Variants in LUZP2 observed in about 807,000 individuals in gnomAD.
LUZP2 encodes the protein leucine zipper protein 2.
Under a neutral mutation model 51.6 loss-of-function variants are expected in LUZP2, and 52 were observed. That is an observed-to-expected ratio of 1.01 (90% CI 0.81 to 1.27). LUZP2 has a LOEUF of 1.27. Ranked by LOEUF, LUZP2 falls within the 50% of genes most tolerant of loss-of-function variation. The probability of loss-of-function intolerance (pLI) is 0.00; values close to 1 mark genes in which losing one functional copy is unlikely to be tolerated. For missense variants in LUZP2, 436 were observed against 395.4 expected, an observed-to-expected ratio of 1.10 and a Z score of -0.87; for synonymous variants, 154 against 137.3, an observed-to-expected ratio of 1.12 and a Z score of -0.85.
rs561915433 is a variant in LUZP2 at position 25,044,785 on chromosome 11, A to G, written c.766-5253A>G. On this transcript the variant is annotated intron_variant, in intron 9 of 11. Coordinates refer to ENST00000336930, the MANE Select transcript of LUZP2 (RefSeq NM_001009909.4). ...GTATGTTTATTGCGGCACTATTCACAATAGCAAAGACTTGGAACCAACCTA... is the reference window on the plus strand; with the variant it reads ...GTATGTTTATTGCGGCACTATTCACGATAGCAAAGACTTGGAACCAACCTA... Among the ~76,000 whole-genome samples the G allele has an allele frequency of 9.9e-4, 150 of 152,078 alleles. 1 individual carries two copies. Among genetic ancestry groups the G allele is most frequent in the Admixed American group, 9.0e-3 (138 of 15,252 alleles).
intron 1 of LUZP2, among the ~76,000 whole-genome samples, chr11:24,571,312 A>G (rs1200618730): frequency 3.1e-5 from 3 of 97,224 alleles, no homozygotes; most frequent in Non-Finnish European, 6.6e-5. Flanking sequence ...GCAAATTAGA[A>G]TGTGTCCTTG....
intron 7 of LUZP2, among the ~76,000 whole-genome samples, chr11:24,949,630 C>T (rs1248368369): frequency 6.6e-6 from 1 of 151,506 alleles, no homozygotes; most frequent in East Asian, 1.9e-4. Flanking sequence ...CTGTGTGCTT[C>T]CTCAGAGGCA....
At chr11:24,526,265 CAAA>C (rs71041769) in intron 1 of LUZP2, among the ~76,000 whole-genome samples, 11 of 141,210 alleles carry the variant, frequency 7.8e-5, no homozygotes, top group Admixed American at 1.4e-4. Flanking sequence ...CACTAGGGGG[CAAA>C]AAAAAAAAAA....
intron 5 of LUZP2, among the ~76,000 whole-genome samples, chr11:24,904,045 T>G (rs1243541452): frequency 2.0e-5 from 3 of 152,144 alleles, no homozygotes; most frequent in Non-Finnish European, 4.4e-5. Context: ...TTTGAGACAC[T>G]TCCATACTGT....
intron 8 of LUZP2, among the ~76,000 whole-genome samples, chr11:24,981,224 G>A (rs958739283): frequency 4.0e-5 from 6 of 151,850 alleles, no homozygotes; most frequent in Non-Finnish European, 7.4e-5. Flanking sequence ...TGTTAAGTTA[G>A]AGGAACTTAA....
At chr11:24,625,723 A>T (rs750372907) in intron 1 of LUZP2, among the ~76,000 whole-genome samples, 2 of 152,048 alleles carry the variant, frequency 1.3e-5, no homozygotes, top group Non-Finnish European at 2.9e-5. Context: ...AAAAAATCAA[A>T]GTTTTCCAAC....
chr11:25,046,813 A>G (rs897356764), intron 9 of LUZP2, among the ~76,000 whole-genome samples: 1 of 152,208 alleles, frequency 6.6e-6, no homozygotes, highest in East Asian at 1.9e-4. Context: ...TGTAAAGTAT[A>G]GATACAAACC....
intron 1 of LUZP2, among the ~76,000 whole-genome samples, chr11:24,684,857 A>G (rs1432366653): frequency 3.3e-5 from 5 of 152,220 alleles, no homozygotes; most frequent in African/African-American, 1.2e-4. Context: ...CAGATCCTGT[A>G]TCAGGGCTAA....
chr11:24,546,095 G>A (rs1851531642), intron 1 of LUZP2, among the ~76,000 whole-genome samples: 1 of 151,946 alleles, frequency 6.6e-6, no homozygotes, highest in Non-Finnish European at 1.5e-5. Context: ...CCTGTTGTTG[G>A]TGTATAGGAA....
chr11:25,004,860 C>G (rs142141940), intron 9 of LUZP2, among the ~76,000 whole-genome samples: 43 of 152,294 alleles, frequency 2.8e-4, no homozygotes, highest in African/African-American at 9.9e-4. Context: ...AGCTGTCATT[C>G]TGTCATTTAC....
chr11:24,976,212 A>C (rs1186138008), intron 7 of LUZP2, among the ~76,000 whole-genome samples: 1 of 151,990 alleles, frequency 6.6e-6, no homozygotes, highest in East Asian at 1.9e-4. Flanking sequence ...AGTGACAATA[A>C]TGAGTTAGGC....
intron 5 of LUZP2, among the ~76,000 whole-genome samples, chr11:24,799,574 G>A (rs1465859982): frequency 7.1e-6 from 1 of 141,510 alleles, no homozygotes; most frequent in Non-Finnish European, 1.5e-5. Flanking sequence ...CTGGGTGACA[G>A]AGCAAGACTG....
intron 5 of LUZP2, among the ~76,000 whole-genome samples, chr11:24,896,481 A>G (rs2133768985): frequency 6.6e-6 from 1 of 152,242 alleles, no homozygotes; most frequent in East Asian, 1.9e-4. Context: ...CCACCGGCCC[A>G]CCCATGCTGC....
At chr11:25,051,048 A>C (rs986779933) in intron 10 of LUZP2, among the ~76,000 whole-genome samples, 1 of 152,216 alleles carries the variant, frequency 6.6e-6, no homozygotes, top group African/African-American at 2.4e-5. Flanking sequence ...ATCCAACTTG[A>C]AAAGTGTCTG....
intron 1 of LUZP2, among the ~76,000 whole-genome samples, chr11:24,588,634 A>T (rs1263162844): frequency 2.0e-5 from 3 of 151,184 alleles, no homozygotes; most frequent in Middle Eastern, 3.2e-3. Context: ...TAAAGGAATA[A>T]TTTTTTCCCA....
intron 1 of LUZP2, among the ~76,000 whole-genome samples, chr11:24,532,465 G>T (rs1851036519): frequency 6.6e-6 from 1 of 150,944 alleles, no homozygotes; most frequent in Admixed American, 6.6e-5. Flanking sequence ...ATAAATAACT[G>T]CCAGTGAGAT....
At chr11:24,919,850 A>T (rs1250967935) in intron 7 of LUZP2, among the ~76,000 whole-genome samples, 1 of 151,358 alleles carries the variant, frequency 6.6e-6, no homozygotes, top group Non-Finnish European at 1.5e-5. Context: ...TTACTCTCCC[A>T]TCAGTACAAT....
intron 1 of LUZP2, among the ~76,000 whole-genome samples, chr11:24,581,938 A>G (rs1423604908): frequency 1.3e-5 from 2 of 152,056 alleles, no homozygotes; most frequent in Non-Finnish European, 2.9e-5. Flanking sequence ...GGCTTTGTTC[A>G]GCTTGACTCC....
At chr11:24,802,874 A>C (rs1224172207) in intron 5 of LUZP2, among the ~76,000 whole-genome samples, 1 of 152,086 alleles carries the variant, frequency 6.6e-6, no homozygotes, top group African/African-American at 2.4e-5. Context: ...ATTATCTTAT[A>C]TAAAAGGTTG....
Sources: allele counts gnomAD v4.1 joint callset (sites outside exome capture counted in the v4.1 genomes callset), GRCh38; gene constraint gnomAD v4.1.1; transcripts MANE v1.5; gene names NCBI Gene and HGNC (gene_info 2026-07-23, HGNC 2026-07-21).